Variants in MKLN1 observed in about 807,000 individuals in gnomAD.
MKLN1 encodes the protein muskelin.
A neutral mutation model predicts 99.0 loss-of-function variants in MKLN1; 18 were observed. The observed-to-expected ratio is 0.18, with a 90% CI of 0.13 to 0.27. MKLN1 has a LOEUF of 0.27. MKLN1 is among the 10% of genes least tolerant of loss of function. The pLI is 1.00. For missense variants in MKLN1, 621 were observed against 875.9 expected (o/e 0.71, Z 3.67); for synonymous variants, 288 against 293.2 (o/e 0.98, Z 0.18).
At chr7:131,228,825 A>G (rs1381591244) in intron 3 of MKLN1, among the ~76,000 whole-genome samples, 1 of 152,142 alleles carries the variant, frequency 6.6e-6, no homozygotes, top group Non-Finnish European at 1.5e-5. Flanking sequence ...TCTCACTTGT[A>G]CTCGCAAGTT....
At chr7:131,308,974 T>C (rs987636621) in intron 3 of MKLN1, among the ~76,000 whole-genome samples, 5 of 152,216 alleles carry the variant, frequency 3.3e-5, no homozygotes, top group Admixed American at 2.0e-4. Context: ...ATAAGACAAC[T>C]GGGTCACTAG....
At chr7:131,371,411 C>T (rs1391853259) in intron 1 of MKLN1, among the ~76,000 whole-genome samples, 5 of 152,146 alleles carry the variant, frequency 3.3e-5, no homozygotes, top group Admixed American at 3.3e-4. Context: ...TTTTCTTCTG[C>T]TCTATTTCAT....
In MKLN1 at chr7:131,429,095, A is replaced by G. The variant is rs1173104138; in HGVS notation, c.910A>G (p.Ser304Gly). The G allele has an allele frequency of 1.9e-6, 3 of 1,613,974 alleles. No individual in the cohort carries two copies. In the South Asian group the frequency reaches 3.3e-5, roughly 18 times the overall value. Residue 304 changes from serine to glycine, a missense_variant, in exon 9 of 18, where the codon AGT (serine) becomes GGT (glycine). Ser to Gly is a moderately conservative substitution (Grantham distance 56). This residue lies in a region of MKLN1 where 361 missense variants were observed against 540.8 expected (regional missense o/e 0.67). Coordinates refer to ENST00000352689, the MANE Select transcript of MKLN1 (RefSeq NM_013255.5). ...TQDLADFWAYSVKENQWTCIS... is the reference protein window; with the variant it reads ...TQDLADFWAYGVKENQWTCIS... ...AGATCTTGCTGACTTCTGGGCGTACAGTGTGAAGGAGAACCAGTGGACATG... is the reference window on the plus strand; with the variant it reads ...AGATCTTGCTGACTTCTGGGCGTACGGTGTGAAGGAGAACCAGTGGACATG...
chr7:131,141,861 C>T (rs991193453), intron 1 of MKLN1, among the ~76,000 whole-genome samples: 15 of 152,168 alleles, frequency 9.9e-5, no homozygotes, highest in Middle Eastern at 3.2e-3. Context: ...TAAGTGCTTA[C>T]GGGGACCTTA....
intron 2 of MKLN1, among the ~76,000 whole-genome samples, chr7:131,185,485 G>C (rs982214067): frequency 1.3e-5 from 2 of 151,972 alleles, no homozygotes; most frequent in Admixed American, 6.6e-5. Flanking sequence ...TACTCGGGAG[G>C]CTGAGGCTGG....
At chr7:131,290,346 A>C (rs1420377037) in intron 3 of MKLN1, among the ~76,000 whole-genome samples, 1 of 152,200 alleles carries the variant, frequency 6.6e-6, no homozygotes, top group African/African-American at 2.4e-5. Context: ...AATCCTCTGT[A>C]CAACCCTGCT....
At position 131,492,651 on chromosome 7, in the gene MKLN1, A is replaced by G; in HGVS notation, c.*4923A>G. On this transcript the variant is annotated 3_prime_UTR_variant, in exon 18 of 18. Transcript: ENST00000352689. ...CTTGGGAGGCTGAGGTGGGAGGATC[A>G]CTTGAACCCAGGAGTTTGGGGTGCA... The G allele has an allele frequency of 6.7e-6, 1 of 149,238 alleles. No homozygotes were observed. The highest frequency in any genetic ancestry group is 2.0e-4 in the East Asian group (1 of 5,000). The allele number at this position is 149,238 out of a possible 1,614,324, so 9.2% of individuals were successfully genotyped here. A position where few individuals can be genotyped will look rare whatever the true frequency, so the allele number is the denominator to read the frequency against.
rs202054506 is a variant in MKLN1 at position 131,287,559 on chromosome 7, CCT to C, written c.-179+84589_-179+84590del. On this transcript the variant is annotated intron_variant, in intron 3 of 7. Transcript: ENST00000416992. Reference sequence around the variant, plus strand: ...CCACAGTGATCTAGGATAAGGTCCTCCTCTCAGGATAAGGTCCTCCTGAACTT... The same window carrying C: ...CCACAGTGATCTAGGATAAGGTCCTCCTCAGGATAAGGTCCTCCTGAACTT... Among the ~76,000 whole-genome samples, 892 of 152,270 alleles carry C rather than the reference CCT, an allele frequency of 5.9e-3. 11 individuals are homozygous for C. The highest frequency in any genetic ancestry group is 0.02 in the African/African-American group (838 of 41,528).
intron 9 of MKLN1, among the ~76,000 whole-genome samples, chr7:131,433,696 A>G (rs933856837): frequency 5.3e-5 from 8 of 152,106 alleles, no homozygotes; most frequent in African/African-American, 1.9e-4. Flanking sequence ...GTTCTATTAT[A>G]TTTTGGTCTC....
chr7:131,334,698 G>A (rs949065181), intron 1 of MKLN1, among the ~76,000 whole-genome samples: 3 of 152,084 alleles, frequency 2.0e-5, no homozygotes, highest in Admixed American at 6.6e-5. Context: ...ACTTTGTGAT[G>A]TTTTACGTGT....
chr7:131,487,527 T>C lies in MKLN1; in HGVS notation c.2087-80T>C. 6.8e-7 allele frequency: 1 copy of C among 1,471,638 alleles called. No individual in the cohort carries two copies. Among genetic ancestry groups the C allele is most frequent in the Non-Finnish European group, 9.2e-7 (1 of 1,088,320 alleles). 91.2% of individuals were successfully genotyped at this position (1,471,638 alleles called of 1,614,324 possible). On this transcript the variant is annotated intron_variant, in intron 17 of 17. Transcript: ENST00000352689. This position sits in a 1 kb window ranked among gnomAD's most constrained non-coding sequence, Gnocchi z 4.7. ...CTGATTTGATTTCTCCATTATAAAATACATTGCTGCTGGTCTCAACTAGTT... is the reference window on the plus strand; with the variant it reads ...CTGATTTGATTTCTCCATTATAAAACACATTGCTGCTGGTCTCAACTAGTT...
intron 2 of MKLN1, among the ~76,000 whole-genome samples, chr7:131,198,936 C>T (rs1179027741): frequency 3.3e-5 from 5 of 152,098 alleles, no homozygotes; most frequent in African/African-American, 1.2e-4. Flanking sequence ...TAAGCCTGAT[C>T]GTATTGTTGA....
At chr7:131,443,122 A>AAT (rs1408836386) in intron 10 of MKLN1, among the ~76,000 whole-genome samples, 3 of 152,226 alleles carry the variant, frequency 2.0e-5, no homozygotes, top group Non-Finnish European at 4.4e-5. Context: ...GCTTGCCTAG[A>AAT]ATGAAAGAAG....
intron 2 of MKLN1, among the ~76,000 whole-genome samples, chr7:131,155,048 TTTTTCCC>T (rs1795943779): frequency 6.6e-6 from 1 of 152,178 alleles, no homozygotes; most frequent in South Asian, 2.1e-4. Flanking sequence ...GCCTTTTTTG[TTTTTCCC>T]TTTTTGATGT....
chr7:131,321,412 G>A lies in MKLN1; in HGVS notation c.-178-54012G>A, dbSNP rs1168601045. 5.3e-5 allele frequency among the ~76,000 whole-genome samples: 8 copies of A among 152,122 alleles called. No individual in the cohort carries two copies. The South Asian group carries it at 6.2e-4, about 12-fold the overall frequency. ...GGACACAAGAAGAACATTAAACACCGGGGCCAGTCGGGGTGGGGCCAAGGG... is the reference window on the plus strand; with the variant it reads ...GGACACAAGAAGAACATTAAACACCAGGGCCAGTCGGGGTGGGGCCAAGGG... On this transcript the variant is annotated intron_variant, in intron 3 of 7. Coordinates refer to the MKLN1 transcript ENST00000416992.
intron 12 of MKLN1, among the ~76,000 whole-genome samples, chr7:131,459,570 T>C (rs958230865): frequency 4.6e-5 from 7 of 152,188 alleles, no homozygotes; most frequent in Non-Finnish European, 8.8e-5. Context: ...CCAGAGTGTT[T>C]GTGTTCTGAG....
At chr7:131,345,860 AATC>A (rs1250917812) in intron 1 of MKLN1, among the ~76,000 whole-genome samples, 31 of 152,248 alleles carry the variant, frequency 2.0e-4, no homozygotes, top group African/African-American at 7.0e-4. Context: ...CTGTATATTT[AATC>A]ATCATCTGTC....
At chr7:131,398,562 C>T (rs749256558) in intron 5 of MKLN1, among the ~76,000 whole-genome samples, 1 of 152,020 alleles carries the variant, frequency 6.6e-6, no homozygotes, top group Non-Finnish European at 1.5e-5. Context: ...GGCGTGGTAG[C>T]GCGTGCCTGT....
chr7:131,257,931 G>A (rs1295259234), intron 3 of MKLN1, among the ~76,000 whole-genome samples: 2 of 151,956 alleles, frequency 1.3e-5, no homozygotes, highest in Non-Finnish European at 1.5e-5. Context: ...ACCAGCCCGG[G>A]CAACATAATG....
Sources: gnomAD v4.1 joint callset for allele counts (sites outside exome capture counted in the v4.1 genomes callset) on GRCh38, gnomAD v4.1.1 for gene constraint, gnomAD v4.1.1 regional missense constraint, Gnocchi (gnomAD v3.1) non-coding constraint, MANE v1.5 for transcripts, NCBI Gene and HGNC (gene_info 2026-07-23, HGNC 2026-07-21) for gene names.